RB1CC1: variants seen among roughly 807,000 people sequenced by gnomAD.
The protein encoded by RB1CC1 is RB1 inducible coiled-coil 1, also known as RB1-inducible coiled-coil protein 1.
Under a neutral mutation model 177.5 loss-of-function variants are expected in RB1CC1, and 46 were observed. The ratio of observed to expected loss-of-function variants is 0.26; its 90% CI spans 0.20 to 0.33. RB1CC1 has a LOEUF of 0.33. Among genes scored for constraint, RB1CC1 ranks in the 10% least tolerant of loss-of-function variants. RB1CC1 has a pLI of 1.00. For missense variants in RB1CC1, 1,703 were observed against 1,816.3 expected, an observed-to-expected ratio of 0.94 and a Z score of 1.13; for synonymous variants, 666 against 613.6, an observed-to-expected ratio of 1.09 and a Z score of -1.26.
intron 1 of RB1CC1, among the ~76,000 whole-genome samples, chr8:52,695,373 G>A (rs1025581167): frequency 6.6e-6 from 1 of 152,214 alleles, no homozygotes; most frequent in Non-Finnish European, 1.5e-5. Context: ...ACCAAAGAAA[G>A]GTCTGGCCTT....
chr8:52,624,670 T>C, intron 23 of RB1CC1, 47 bp downstream of exon 23: 1 of 1,417,922 alleles, frequency 7.1e-7, no homozygotes, highest in South Asian at 1.2e-5. Context: ...AGTATTAAAA[T>C]CTTCTTTACA....
chr8:52,706,228 A>G (rs904444526), intron 1 of RB1CC1, among the ~76,000 whole-genome samples: 2 of 151,788 alleles, frequency 1.3e-5, no homozygotes, highest in African/African-American at 4.8e-5. Flanking sequence ...CCACCAAGAG[A>G]GCAAGACAAA....
chr8:52,672,587 A>C (rs973903827), intron 7 of RB1CC1, among the ~76,000 whole-genome samples: 2 of 152,132 alleles, frequency 1.3e-5, no homozygotes, highest in Non-Finnish European at 2.9e-5. Context: ...CTGTGCAAAC[A>C]ATGAAAAAAT....
chr8:52,674,072 G>A lies in RB1CC1; in HGVS notation c.775C>T (p.Pro259Ser), dbSNP rs1852849428. The A allele has an allele frequency of 3.1e-6, 5 of 1,614,136 alleles. No individual in the cohort carries two copies. Among genetic ancestry groups the A allele is most frequent in the Non-Finnish European group, 4.2e-6 (5 of 1,180,002 alleles). Residue 259 changes from proline (P) to serine (S), a missense_variant, in exon 7 of 24, where the codon CCC becomes TCC. Physicochemically the swap from Pro to Ser is moderately conservative, Grantham distance 74. Transcript: ENST00000025008. ...TTNESLLTSF[P>S]KSVEHVSPDT... ...GGGGACACATGTTCCACTGACTTGG[G>A]AAATGAGGTTAACAAAGATTCGTTA...
chr8:52,660,483 G>T lies in RB1CC1; in HGVS notation c.1689+113C>A, dbSNP rs115637581. Reference sequence around the variant, plus strand: ...TTAAAGCCAAAAACACTTTTATTTTGATTTTTTTTAAACCACAACAATTTC... The same window carrying T: ...TTAAAGCCAAAAACACTTTTATTTTTATTTTTTTTAAACCACAACAATTTC... On this transcript the variant is annotated intron_variant, in intron 12 of 23. Coordinates refer to ENST00000025008, the MANE Select transcript of RB1CC1 (RefSeq NM_014781.5). 2,014 of 1,030,514 alleles carry T rather than the reference G, an allele frequency of 2.0e-3. 25 individuals are homozygous for T. In the African/African-American group the frequency reaches 0.029, roughly 15 times the overall value. 63.8% of individuals were successfully genotyped at this position (1,030,514 alleles called of 1,614,324 possible).
intron 21 of RB1CC1, among the ~76,000 whole-genome samples, chr8:52,629,829 C>A (rs1348725783): frequency 6.6e-6 from 1 of 152,100 alleles, no homozygotes; most frequent in South Asian, 2.1e-4. Context: ...GCTACCCTCC[C>A]AGCTTTCATT....
chr8:52,665,143 C>T (rs958692218), intron 8 of RB1CC1, among the ~76,000 whole-genome samples: 2 of 152,046 alleles, frequency 1.3e-5, no homozygotes, highest in African/African-American at 4.8e-5. Flanking sequence ...ATGAATTTGA[C>T]TGCATCAAAA....
chr8:52,704,004 A>C (rs1400944597), intron 1 of RB1CC1, among the ~76,000 whole-genome samples: 1 of 152,214 alleles, frequency 6.6e-6, no homozygotes, highest in Non-Finnish European at 1.5e-5. Context: ...TGATCCCATG[A>C]AACTGAATTC....
intron 1 of RB1CC1, 53 bp downstream of exon 1, chr8:52,714,022 C>T: frequency 3.0e-6 from 1 of 330,308 alleles, no homozygotes. Flanking sequence ...GGGCCCGCCG[C>T]GCGACCGCTG....
intron 8 of RB1CC1, among the ~76,000 whole-genome samples, chr8:52,664,159 C>A (rs1469883330): frequency 1.3e-5 from 2 of 152,166 alleles, no homozygotes; most frequent in Admixed American, 6.5e-5. Context: ...CACCATATAC[C>A]TCCTAGCTTC....
chr8:52,679,635 T>C (rs1298133105), intron 5 of RB1CC1, among the ~76,000 whole-genome samples: 1 of 152,204 alleles, frequency 6.6e-6, no homozygotes, highest in Non-Finnish European at 1.5e-5. Context: ...CAGGACCCCC[T>C]GAAGCTATGT....
chr8:52,688,810 A>G (rs1854537906), intron 1 of RB1CC1, among the ~76,000 whole-genome samples: 1 of 152,108 alleles, frequency 6.6e-6, no homozygotes, highest in Non-Finnish European at 1.5e-5. Flanking sequence ...CCGATATGTG[A>G]TGTCGCCCCC....
At position 52,683,967 on chromosome 8, in the gene RB1CC1, T is replaced by C. The variant is rs375246047; in HGVS notation, c.118A>G (p.Ile40Val). Reference sequence around the variant, plus strand: ...TTGACCACCAGCACCTGGTGTTGAATAGCAATCTTGTATTTGCTTTGAATG... The same window carrying C: ...TTGACCACCAGCACCTGGTGTTGAACAGCAATCTTGTATTTGCTTTGAATG... ...HAIQSKYKIA[I>V]QHQVLVVNGG... The change falls in exon 4 of 24, where the codon ATT becomes GTT. Residue 40 changes from isoleucine to valine, a missense_variant. Physicochemically the swap from Ile to Val is conservative, Grantham distance 29. This residue lies in a region of RB1CC1 where 118 missense variants were observed against 121.2 expected (regional missense o/e 0.97). Transcript: ENST00000025008. The C allele has an allele frequency of 6.7e-5, 108 of 1,614,012 alleles. No individual in the cohort carries two copies. The highest frequency in any genetic ancestry group is 8.6e-5 in the Non-Finnish European group (101 of 1,180,028).
chr8:52,696,444 T>C lies in RB1CC1; in HGVS notation c.-166-9477A>G, dbSNP rs1271623379. Among the ~76,000 whole-genome samples, 8 of 152,018 alleles carry C rather than the reference T, an allele frequency of 5.3e-5. No individual in the cohort carries two copies. The East Asian group carries it at 1.5e-3, about 29-fold the overall frequency. On this transcript the variant is annotated intron_variant, in intron 1 of 23. Transcript: ENST00000025008. ...AAGCCTGGAACATCTTAATATGCCATAAAGCAAGACAGCTAACAAAGACTA... is the reference window on the plus strand; with the variant it reads ...AAGCCTGGAACATCTTAATATGCCACAAAGCAAGACAGCTAACAAAGACTA...
rs371451246 is a variant in RB1CC1, at chr8:52,624,762, C to G, written c.4662G>C (p.Trp1554Cys). 1.9e-6 allele frequency: 3 copies of G among 1,588,976 alleles called. No homozygotes were observed. The highest frequency in any genetic ancestry group is 1.7e-6 in the Non-Finnish European group (2 of 1,164,150). Residue 1554 changes from tryptophan to cysteine, a missense_variant, in exon 23 of 24, where the codon TGG becomes TGC. Physicochemically the swap from Trp to Cys is radical, Grantham distance 215 (BLOSUM62 -2). This residue lies in a region of RB1CC1 where 70 missense variants were observed against 118.0 expected (regional missense o/e 0.59). Coordinates refer to ENST00000025008, the MANE Select transcript of RB1CC1 (RefSeq NM_014781.5). ...EGASGASRRPWVLGKVMEKEY... is the reference protein window; with the variant it reads ...EGASGASRRPCVLGKVMEKEY... ...CTTTTTCCATTACTTTTCCAAGTAC[C>G]CAGGGTCTTCTAGATGCACCTGAAG...
At chr8:52,650,240 C>G (rs967980690) in intron 15 of RB1CC1, among the ~76,000 whole-genome samples, 2 of 152,194 alleles carry the variant, frequency 1.3e-5, no homozygotes, top group African/African-American at 4.8e-5. Context: ...GGGATATTAT[C>G]CAGAATTCCC....
At position 52,658,982 on chromosome 8, in the gene RB1CC1, C is replaced by G; in HGVS notation, c.1690-6G>C. On this transcript the variant is annotated splice_region_variant and splice_polypyrimidine_tract_variant and intron_variant, in intron 12 of 23. Coordinates refer to ENST00000025008, the MANE Select transcript of RB1CC1 (RefSeq NM_014781.5). Reference sequence around the variant, plus strand: ...AACTTTCGAGGCTTTTGAGTCTGTACCAAAAAAATTAATTACTTAAAAAAT... The same window carrying G: ...AACTTTCGAGGCTTTTGAGTCTGTAGCAAAAAAATTAATTACTTAAAAAAT... The G allele has an allele frequency of 1.4e-6, 2 of 1,460,842 alleles. No individual in the cohort carries two copies. The highest frequency in any genetic ancestry group is 1.8e-6 in the Non-Finnish European group (2 of 1,098,968). The allele number at this position is 1,460,842 out of a possible 1,614,324, so 90.5% of individuals were successfully genotyped here. A position where few individuals can be genotyped will look rare whatever the true frequency, so the allele number is the denominator to read the frequency against.
At chr8:52,691,201 A>G (rs1199360974) in intron 1 of RB1CC1, among the ~76,000 whole-genome samples, 1 of 152,196 alleles carries the variant, frequency 6.6e-6, no homozygotes, top group East Asian at 1.9e-4. Context: ...TACAGCCAAT[A>G]TATTGCTTTC....
intron 8 of RB1CC1, among the ~76,000 whole-genome samples, chr8:52,667,467 G>A (rs910082658): frequency 6.6e-6 from 1 of 152,158 alleles, no homozygotes; most frequent in African/African-American, 2.4e-5. Context: ...GCTAGCCATG[G>A]TGGGTGAAGG....
Sources: gnomAD v4.1 joint callset for allele counts (sites outside exome capture counted in the v4.1 genomes callset) on GRCh38, gnomAD v4.1.1 for gene constraint, gnomAD v4.1.1 regional missense constraint, MANE v1.5 for transcripts, NCBI Gene and HGNC (gene_info 2026-07-23, HGNC 2026-07-21) for gene names.